Variants in GPR137B observed in about 807,000 individuals in gnomAD.
GPR137B encodes the protein integral membrane protein GPR137B.
Under a neutral mutation model 42.5 loss-of-function variants are expected in GPR137B, and 42 were observed. The observed-to-expected ratio is 0.99, with a 90% CI of 0.77 to 1.28. The LOEUF is 1.28. GPR137B is among the 50% of genes most tolerant of loss of function. The pLI, the probability that GPR137B is intolerant of heterozygous loss-of-function variation, is 0.00. For missense variants in GPR137B, 487 were observed against 493.9 expected (o/e 0.99, Z 0.13); for synonymous variants, 218 against 209.7 (o/e 1.04, Z -0.34).
intron 1 of GPR137B, among the ~76,000 whole-genome samples, chr1:236,161,514 C>T (rs1662196199): frequency 6.6e-6 from 1 of 152,080 alleles, no homozygotes; most frequent in Non-Finnish European, 1.5e-5. Flanking sequence ...CCACTCACAC[C>T]TTCTCACGCC....
At chr1:236,183,310 A>G (rs1276216957) in intron 4 of GPR137B, among the ~76,000 whole-genome samples, 2 of 152,224 alleles carry the variant, frequency 1.3e-5, no homozygotes, top group African/African-American at 4.8e-5. Context: ...AGACTAAGGG[A>G]TAATAGTTGT....
At chr1:236,163,860 T>G (rs756939248) in intron 1 of GPR137B, among the ~76,000 whole-genome samples, 4 of 149,526 alleles carry the variant, frequency 2.7e-5, no homozygotes, top group Non-Finnish European at 5.9e-5. Context: ...CCTCCACACT[T>G]TTCACACTTC....
intron 2 of GPR137B, among the ~76,000 whole-genome samples, chr1:236,170,885 A>G (rs961292641): frequency 1.3e-5 from 2 of 150,962 alleles, no homozygotes; most frequent in Admixed American, 1.3e-4. Context: ...CTGAGTTGGG[A>G]GAATCGCTTA....
rs1662048416 is a variant in GPR137B at position 236,156,900 on chromosome 1, G to A, written c.415-11806G>A. ...TTTTCAGTATGAAAGTTCCTTTTAT[G>A]GTTAGGATAGCATCTGTGGTCACAG... On this transcript the variant is annotated intron_variant, in intron 1 of 6. Transcript: ENST00000366592. This position sits in a 1 kb window ranked among gnomAD's most constrained non-coding sequence, Gnocchi z 4.8. Among the ~76,000 whole-genome samples, 1 of 152,188 alleles carries A rather than the reference G, an allele frequency of 6.6e-6. No homozygotes were observed.
At position 236,208,219 on chromosome 1, in the gene GPR137B, C is replaced by A. The variant is rs1663723514; in HGVS notation, c.*61C>A. Reference sequence around the variant, plus strand: ...GAAAAGCTTCAGAAAAGCATAGTGACAGCTGAATTTTTAGGGCACTTTTCC... The same window carrying A: ...GAAAAGCTTCAGAAAAGCATAGTGAAAGCTGAATTTTTAGGGCACTTTTCC... On this transcript the variant is annotated 3_prime_UTR_variant, in exon 7 of 7. Coordinates refer to ENST00000366592, the MANE Select transcript of GPR137B (RefSeq NM_003272.4). The A allele has an allele frequency of 6.4e-7, 1 of 1,573,660 alleles. No homozygotes were observed. Among genetic ancestry groups the A allele is most frequent in the Non-Finnish European group, 8.6e-7 (1 of 1,162,266 alleles).
At position 236,156,511 on chromosome 1, in the gene GPR137B, AC is replaced by A. The variant is rs1558480442; in HGVS notation, c.415-12194del. 6.6e-6 allele frequency among the ~76,000 whole-genome samples: 1 copy of A among 152,286 alleles called. No individual in the cohort carries two copies. Among genetic ancestry groups the A allele is most frequent in the Middle Eastern group, 3.4e-3 (1 of 294 alleles). Reference sequence around the variant, plus strand: ...TCCCTGGACCTATAGCCCACAGCTGACGTTTGGAAGAAAAGAACATCCTAAC... The same window carrying A: ...TCCCTGGACCTATAGCCCACAGCTGAGTTTGGAAGAAAAGAACATCCTAAC... On this transcript the variant is annotated intron_variant, in intron 1 of 6. Coordinates refer to ENST00000366592, the MANE Select transcript of GPR137B (RefSeq NM_003272.4). The surrounding 1 kb of genome is among the most constrained non-coding windows in gnomAD (Gnocchi z 4.8).
chr1:236,172,040 C>CAAAAAAAAA (rs554280420), intron 2 of GPR137B, among the ~76,000 whole-genome samples: 1 of 72,502 alleles, frequency 1.4e-5, no homozygotes, highest in Non-Finnish European at 3.1e-5. Context: ...AACTCCATCT[C>CAAAAAAAAA]AAAAAAAAAA....
At chr1:236,172,720 C>A (rs994106325) in intron 2 of GPR137B, among the ~76,000 whole-genome samples, 1 of 150,704 alleles carries the variant, frequency 6.6e-6, no homozygotes, top group African/African-American at 2.4e-5. Flanking sequence ...AAGGTCTCAC[C>A]CAGGCTGGAG....
chr1:236,178,766 C>T, intron 3 of GPR137B, 130 bp downstream of exon 3: 1 of 302,382 alleles, frequency 3.3e-6, no homozygotes, highest in South Asian at 4.2e-5. Flanking sequence ...TATTGTCTCC[C>T]ACACAGGGGC....
intron 4 of GPR137B, among the ~76,000 whole-genome samples, chr1:236,181,128 G>A (rs12071180): frequency 0.076 from 11,607 of 152,108 alleles, 1,319 homozygotes; most frequent in African/African-American, 0.25. Context: ...CTAGACAAAA[G>A]TGACTGAGGA....
At chr1:236,189,388 A>G (rs1213277992) in intron 5 of GPR137B, among the ~76,000 whole-genome samples, 2 of 151,676 alleles carry the variant, frequency 1.3e-5, no homozygotes, top group Non-Finnish European at 2.9e-5. Context: ...CTTGCTTCCC[A>G]AGTTCTTTTA....
chr1:236,184,283 T>C (rs1240588055), intron 5 of GPR137B, among the ~76,000 whole-genome samples: 2 of 152,210 alleles, frequency 1.3e-5, no homozygotes, highest in African/African-American at 2.4e-5. Flanking sequence ...AAATAGGAAA[T>C]AGAGAACACT....
At chr1:236,193,671 T>A (rs531131128) in intron 5 of GPR137B, among the ~76,000 whole-genome samples, 104 of 152,350 alleles carry the variant, frequency 6.8e-4, no homozygotes, top group African/African-American at 2.4e-3. Context: ...TATATCCTCT[T>A]TGGAGAAATG....
chr1:236,188,635 A>G (rs940163331), intron 5 of GPR137B, among the ~76,000 whole-genome samples: 8 of 152,170 alleles, frequency 5.3e-5, no homozygotes, highest in Non-Finnish European at 1.0e-4. Flanking sequence ...TGATTTGTGT[A>G]TGTCGAACCA....
At chr1:236,193,828 T>C (rs905231698) in intron 5 of GPR137B, among the ~76,000 whole-genome samples, 88 of 152,300 alleles carry the variant, frequency 5.8e-4, no homozygotes, top group African/African-American at 2.1e-3. Flanking sequence ...TAGCTGTCTT[T>C]TCACTTTCTT....
intron 1 of GPR137B, among the ~76,000 whole-genome samples, chr1:236,168,230 C>A (rs1010402741): frequency 1.3e-5 from 2 of 151,928 alleles, no homozygotes; most frequent in African/African-American, 4.8e-5. Flanking sequence ...AGTTCGAGAC[C>A]AGCCTGGCCA....
Position 236,186,262 on chromosome 1 carries a change from T to TAATATATAATATAAATAATATATAA in GPR137B, c.966+2356_966+2357insAATATATAATATAAATAATATATAA, listed in dbSNP as rs1352149541. On this transcript the variant is annotated intron_variant, in intron 5 of 6. Transcript: ENST00000366592. ...TAATATAAATAATATATAATATATATTATATATTATATATAATAATATAAA... is the reference window on the plus strand; with the variant it reads ...TAATATAAATAATATATAATATATATAATATATAATATAAATAATATATAATATATATTATATATAATAATATAAA... Among the ~76,000 whole-genome samples, 14 of 22,852 alleles carry TAATATATAATATAAATAATATATAA rather than the reference T, an allele frequency of 6.1e-4. 2 individuals carry two copies. The highest frequency in any genetic ancestry group is 1.0e-3 in the South Asian group (1 of 998). The allele number at this position is 22,852 out of a possible 152,430, so 15.0% of individuals were successfully genotyped here.
intron 5 of GPR137B, among the ~76,000 whole-genome samples, chr1:236,199,758 A>G (rs1663441959): frequency 6.6e-6 from 1 of 151,894 alleles, no homozygotes; most frequent in Admixed American, 6.6e-5. Context: ...TTCTTGGTTA[A>G]TCTCACTAAT....
rs1383426832 is a variant in GPR137B at position 236,156,898 on chromosome 1, A to T, written c.415-11808A>T. On this transcript the variant is annotated intron_variant, in intron 1 of 6. Transcript: ENST00000366592. The surrounding 1 kb of genome is among the most constrained non-coding windows in gnomAD (Gnocchi z 4.8). The stretch of plus-strand genomic sequence containing the variant: ...CTTTTTCAGTATGAAAGTTCCTTTT[A>T]TGGTTAGGATAGCATCTGTGGTCAC... Among the ~76,000 whole-genome samples the T allele has an allele frequency of 6.6e-6, 1 of 152,120 alleles. No homozygotes were observed. Among genetic ancestry groups the T allele is most frequent in the Non-Finnish European group, 1.5e-5 (1 of 68,022 alleles).
Sources: allele counts gnomAD v4.1 joint callset (sites outside exome capture counted in the v4.1 genomes callset), GRCh38; gene constraint gnomAD v4.1.1; non-coding constraint Gnocchi (gnomAD v3.1); transcripts MANE v1.5; gene names NCBI Gene and HGNC (gene_info 2026-07-23, HGNC 2026-07-21).